Variants in SOX30 observed in about 807,000 individuals in gnomAD.
SOX30 encodes the protein SRY-box transcription factor 30.
SOX30 carries 17 observed loss-of-function variants against 58.6 expected under a neutral mutation model. The observed-to-expected ratio is 0.29, with a 90% CI of 0.20 to 0.44. The LOEUF (loss-of-function observed/expected upper bound fraction) is 0.44, where lower values mean the gene tolerates loss of function less well. Among genes scored for constraint, SOX30 ranks in the 20% least tolerant of loss-of-function variants. SOX30 has a pLI of 1.00. For missense variants in SOX30, 951 were observed against 965.8 expected (o/e 0.98, Z 0.20); for synonymous variants, 421 against 400.2 (o/e 1.05, Z -0.62).
At chr5:157,657,549 A>G (rs1193821625) in intron 2 of SOX30, among the ~76,000 whole-genome samples, 1 of 152,218 alleles carries the variant, frequency 6.6e-6, no homozygotes. Flanking sequence ...AGGAATATCA[A>G]GCAGAACAGA....
In SOX30 at chr5:157,638,662, G is replaced by A. The variant is rs1758991225; in HGVS notation, c.1448C>T (p.Thr483Ile). ...TPAVQSPSPV[T>I]LFQPSVSSAA... The stretch of plus-strand genomic sequence containing the variant: ...ACTGGAGACGCTGGGCTGGAAAAGT[G>A]TGACAGGGCTTGGGCTCTGGACTGC... Residue 483 changes from threonine to isoleucine, a missense_variant, in exon 4 of 5, where the codon ACA becomes ATA. This residue lies in a region of SOX30 where 381 missense variants were observed against 390.0 expected (regional missense o/e 0.98). Transcript: ENST00000265007. The A allele has an allele frequency of 6.2e-7, 1 of 1,614,098 alleles. No individual in the cohort carries two copies. The highest frequency in any genetic ancestry group is 1.3e-5 in the African/African-American group (1 of 74,934).
At chr5:157,668,470 T>A (rs1238190596) in intron 1 of SOX30, among the ~76,000 whole-genome samples, 1 of 152,068 alleles carries the variant, frequency 6.6e-6, no homozygotes, top group Admixed American at 6.5e-5. Flanking sequence ...TTCTGACATA[T>A]CTGTCTCATC....
chr5:157,649,293 A>T (rs1303807234), intron 1 of SOX30, among the ~76,000 whole-genome samples: 1 of 152,240 alleles, frequency 6.6e-6, no homozygotes, highest in African/African-American at 2.4e-5. Flanking sequence ...CTTACTCGTG[A>T]CTATAATCTT....
chr5:157,631,012 C>CAATA (rs1232518844), intron 4 of SOX30, among the ~76,000 whole-genome samples: 3 of 101,612 alleles, frequency 3.0e-5, no homozygotes, highest in Non-Finnish European at 3.9e-5. Flanking sequence ...TATATATATA[C>CAATA]TATATATTTT....
intron 2 of SOX30, among the ~76,000 whole-genome samples, chr5:157,660,304 C>G (rs188928876): frequency 6.6e-6 from 1 of 152,126 alleles, no homozygotes; most frequent in Non-Finnish European, 1.5e-5. Context: ...TGCCTGTAGT[C>G]CTAGCTACTC....
chr5:157,639,224 G>A (rs559483297), intron 3 of SOX30, among the ~76,000 whole-genome samples: 1 of 152,232 alleles, frequency 6.6e-6, no homozygotes, highest in South Asian at 2.1e-4. Flanking sequence ...AGTGGGGCAG[G>A]AGGAAAAGCC....
At chr5:157,664,168 G>A (rs1759624998) in intron 2 of SOX30, among the ~76,000 whole-genome samples, 1 of 152,008 alleles carries the variant, frequency 6.6e-6, no homozygotes, top group Non-Finnish European at 1.5e-5. Context: ...AAAGCTGGAG[G>A]GATCACGCTA....
upstream of SOX30, among the ~76,000 whole-genome samples, chr5:157,654,620 C>T (rs1280708341): frequency 1.3e-5 from 2 of 152,164 alleles, no homozygotes; most frequent in Non-Finnish European, 2.9e-5. Context: ...GGTCGCATTC[C>T]CAGACAGTTA....
intron 3 of SOX30, among the ~76,000 whole-genome samples, chr5:157,645,736 G>A (rs917071816): frequency 6.6e-6 from 1 of 151,770 alleles, no homozygotes. Flanking sequence ...AACATGTTCT[G>A]GGGGCCAGGC....
Position 157,652,360 on chromosome 5 carries a change from T to A in SOX30, c.-282A>T. The A allele has an allele frequency of 1.5e-5, 18 of 1,167,870 alleles. No homozygotes were observed. The highest frequency in any genetic ancestry group is 1.9e-5 in the Non-Finnish European group (18 of 948,430). The allele number at this position is 1,167,870 out of a possible 1,614,324, so 72.3% of individuals were successfully genotyped here. On this transcript the variant is annotated 5_prime_UTR_variant, in exon 1 of 5. Coordinates refer to ENST00000265007, the MANE Select transcript of SOX30 (RefSeq NM_178424.2). ...AGGAGCCGCCGCACTTGTTGCACAT[T>A]TTCGTTCTGACTCTCTTGTGGAGTT...
At chr5:157,644,013 A>T (rs894573971) in intron 3 of SOX30, among the ~76,000 whole-genome samples, 2 of 152,216 alleles carry the variant, frequency 1.3e-5, no homozygotes, top group African/African-American at 4.8e-5. Context: ...AGAACAATCT[A>T]TAAGAATATA....
intron 2 of SOX30, among the ~76,000 whole-genome samples, chr5:157,661,851 G>A (rs758129064): frequency 3.6e-4 from 54 of 151,790 alleles, no homozygotes; most frequent in Admixed American, 7.2e-4. Flanking sequence ...TTTGTCTGTG[G>A]CTTTTAGTAT....
intron 1 of SOX30, among the ~76,000 whole-genome samples, chr5:157,668,748 G>T (rs530895507): frequency 2.0e-5 from 3 of 152,174 alleles, no homozygotes; most frequent in Non-Finnish European, 4.4e-5. Context: ...CTGATCTTGG[G>T]CAAGTTACCT....
At position 157,626,704 on chromosome 5, in the gene SOX30, CG is replaced by C; in HGVS notation, c.1897del (p.Arg633GlyfsTer34). On this transcript the variant is annotated frameshift_variant, in exon 5 of 5. Coordinates refer to ENST00000265007, the MANE Select transcript of SOX30 (RefSeq NM_178424.2). LOFTEE classifies it high-confidence loss of function. The part of the protein sequence containing the change: ...YFPSSTCPYS[R>X]PPFGYGNFPS... ...AAAATTTCCATAGCCAAAGGGAGGC[CG>C]ACTGTAAGGGCATGTACTGCAGCAG... 6.2e-7 allele frequency: 1 copy of C among 1,608,880 alleles called. No homozygotes were observed.
At chr5:157,667,763 TACACACACACACAC>T in intron 2 of SOX30, 4 of 1,342,866 alleles carry the variant, frequency 3.0e-6, no homozygotes, top group Non-Finnish European at 4.0e-6. Context: ...CATACATACA[TACACACACACACAC>T]ACACACACAC....
rs1489011399 is a variant in SOX30, at chr5:157,638,266, G to C, written c.1844C>G (p.Pro615Arg). Reference protein sequence around the residue: ...GTPPRFSFHHPYFLPGPHYFP... With the variant: ...GTPPRFSFHHRYFLPGPHYFP... ...GTAGTGAGGTCCGGGTAGGAAGTAA[G>C]GGTGATGAAAAGAGAATCTTGGTGG... Residue 615 changes from proline (P) to arginine (R), a missense_variant, in exon 4 of 5, where the codon CCT becomes CGT. By Grantham distance (103) the Pro-to-Arg change is moderately radical. Around this residue, in one of 7 missense-constraint regions of SOX30, gnomAD observed 381 missense variants for 390.0 expected, o/e 0.98. Coordinates refer to ENST00000265007, the MANE Select transcript of SOX30 (RefSeq NM_178424.2). 1 of 1,564,188 alleles carries C rather than the reference G, an allele frequency of 6.4e-7. No individual in the cohort carries two copies. The highest frequency in any genetic ancestry group is 1.2e-5 in the South Asian group (1 of 82,870).
At chr5:157,647,667 G>T (rs557697778) in intron 2 of SOX30, among the ~76,000 whole-genome samples, 2 of 152,018 alleles carry the variant, frequency 1.3e-5, no homozygotes, top group East Asian at 3.9e-4. Flanking sequence ...CCATTCTCCT[G>T]CCTGAGCCTC....
intron 3 of SOX30, 28 bp downstream of exon 3, chr5:157,646,609 A>G: frequency 2.6e-6 from 4 of 1,533,218 alleles, no homozygotes; most frequent in Non-Finnish European, 3.5e-6. Context: ...TATTTAAAAA[A>G]TAGTAATCTA....
At position 157,635,628 on chromosome 5, in the gene SOX30, A is replaced by AAAAAC. The variant is rs1554088162; in HGVS notation, c.1880+2601_1880+2602insGTTTT. 8.0e-4 allele frequency among the ~76,000 whole-genome samples: 121 copies of AAAAAC among 151,804 alleles called. 1 individual carries two copies. In the South Asian group the frequency reaches 0.02, roughly 25 times the overall value. ...GACAGAGCAAGACTCTGTCTCAAAA[A>AAAAAC]AAAAACAAAAACAAAAACAAAGAAC... On this transcript the variant is annotated intron_variant, in intron 4 of 4. Transcript: ENST00000265007.
Sources: allele counts gnomAD v4.1 joint callset (sites outside exome capture counted in the v4.1 genomes callset), GRCh38; gene constraint gnomAD v4.1.1; regional missense constraint gnomAD v4.1.1; transcripts MANE v1.5; gene names NCBI Gene and HGNC (gene_info 2026-07-23, HGNC 2026-07-21).